The following KIAA0825 variants were observed in gnomAD, a reference collection of about 807,000 sequenced individuals.
KIAA0825 encodes the protein KIAA0825.
Under a neutral mutation model 147.6 loss-of-function variants are expected in KIAA0825, and 119 were observed. The ratio of observed to expected loss-of-function variants is 0.81; its 90% confidence interval spans 0.69 to 0.94. KIAA0825 has a LOEUF of 0.94. Among genes scored for constraint, KIAA0825 ranks in the 40% least tolerant of loss-of-function variants. The pLI, the probability that KIAA0825 is intolerant of heterozygous loss-of-function variation, is 0.00. For synonymous variants in KIAA0825, 470 were observed against 518.1 expected (o/e 0.91, Z 1.26); for missense variants, 1,381 against 1,472.7 (o/e 0.94, Z 1.02).
At chr5:94,491,116 C>T (rs756872842) in intron 5 of KIAA0825, among the ~76,000 whole-genome samples, 2 of 152,042 alleles carry the variant, frequency 1.3e-5, no homozygotes, top group African/African-American at 4.8e-5. Context: ...ATAAAAGGTG[C>T]GCATTTCAGT....
chr5:94,365,289 C>T (rs1171907578), intron 20 of KIAA0825, among the ~76,000 whole-genome samples: 1 of 152,228 alleles, frequency 6.6e-6, no homozygotes, highest in East Asian at 1.9e-4. Context: ...GTGTTTGCGT[C>T]CTCAATTCCC....
intron 3 of KIAA0825, among the ~76,000 whole-genome samples, chr5:94,533,232 C>T (rs1272165069): frequency 6.6e-6 from 1 of 151,428 alleles, no homozygotes; most frequent in Non-Finnish European, 1.5e-5. Context: ...CCCGCCTCGG[C>T]CTCCCAAAGT....
chr5:94,467,549 C>A (rs1760704898), intron 10 of KIAA0825, among the ~76,000 whole-genome samples: 1 of 152,118 alleles, frequency 6.6e-6, no homozygotes, highest in Non-Finnish European at 1.5e-5. Context: ...ATCTGAACAC[C>A]CACTGTGCCA....
At chr5:94,546,517 C>CAGAG (rs34483380) in intron 2 of KIAA0825, among the ~76,000 whole-genome samples, 169 of 149,166 alleles carry the variant, frequency 1.1e-3, no homozygotes, top group East Asian at 1.6e-3. Context: ...TGGCTCAGCA[C>CAGAG]AGAGAGAGAG....
intron 4 of KIAA0825, among the ~76,000 whole-genome samples, chr5:94,523,343 GTTC>G (rs1768584776): frequency 1.3e-5 from 2 of 151,572 alleles, no homozygotes; most frequent in Non-Finnish European, 3.0e-5. Flanking sequence ...TAAAATCACT[GTTC>G]TTATTGAAGT....
At chr5:94,417,529 C>T in intron 14 of KIAA0825, 164 bp from the exon 15 acceptor site, 1 of 558,302 alleles carries the variant, frequency 1.8e-6, no homozygotes, top group Non-Finnish European at 3.0e-6. Flanking sequence ...ATGGTCCATC[C>T]AACCCAATGT....
intron 20 of KIAA0825, among the ~76,000 whole-genome samples, chr5:94,331,656 A>G (rs766193480): frequency 6.6e-6 from 1 of 152,204 alleles, no homozygotes; most frequent in Non-Finnish European, 1.5e-5. Context: ...AAAATCCTCA[A>G]CAAAATATTA....
intron 3 of KIAA0825, among the ~76,000 whole-genome samples, chr5:94,528,812 G>T (rs1769909152): frequency 6.7e-6 from 1 of 149,186 alleles, no homozygotes; most frequent in African/African-American, 2.5e-5. Context: ...AATCTATAAA[G>T]GCTTGCCCAG....
At chr5:94,268,407 G>T (rs562136123) in intron 20 of KIAA0825, among the ~76,000 whole-genome samples, 2 of 152,210 alleles carry the variant, frequency 1.3e-5, no homozygotes, top group South Asian at 4.1e-4. Flanking sequence ...TGGGGCAACT[G>T]CAAGAGGAGG....
chr5:94,342,128 G>A (rs1434062991), intron 20 of KIAA0825, among the ~76,000 whole-genome samples: 10 of 151,800 alleles, frequency 6.6e-5, no homozygotes, highest in African/African-American at 2.4e-4. Context: ...CCTGGGAGGC[G>A]GAGCTTGCAG....
intron 20 of KIAA0825, among the ~76,000 whole-genome samples, chr5:94,304,427 T>C (rs1360454490): frequency 1.3e-5 from 2 of 152,006 alleles, no homozygotes; most frequent in African/African-American, 4.8e-5. Flanking sequence ...GGGTGACCCG[T>C]ATCAACTAGA....
chr5:94,299,207 G>T (rs902308664), intron 20 of KIAA0825, among the ~76,000 whole-genome samples: 1 of 151,624 alleles, frequency 6.6e-6, no homozygotes, highest in African/African-American at 2.4e-5. Flanking sequence ...CTATAGATTC[G>T]ATCTTTATTT....
intron 20 of KIAA0825, among the ~76,000 whole-genome samples, chr5:94,374,915 A>T (rs1443280466): frequency 6.6e-6 from 1 of 152,024 alleles, no homozygotes; most frequent in Non-Finnish European, 1.5e-5. Flanking sequence ...ATCTGAACCC[A>T]CACTCTCTGA....
rs116554976 is a variant in KIAA0825 at position 94,598,477 on chromosome 5, C to T, written c.-152-15894G>A. 8.9e-3 allele frequency among the ~76,000 whole-genome samples: 1,348 copies of T among 152,020 alleles called. 15 individuals carry two copies. The highest frequency in any genetic ancestry group is 0.031 in the African/African-American group (1,272 of 41,498). On this transcript the variant is annotated intron_variant, in intron 1 of 20. Transcript: ENST00000682413. ...TCTGGAATATTACCTGAAGGACTTG[C>T]TTGAAGCTGTTTTACAGGGAAGCTG...
intron 20 of KIAA0825, among the ~76,000 whole-genome samples, chr5:94,328,530 C>T (rs1055399323): frequency 6.6e-6 from 1 of 151,412 alleles, no homozygotes; most frequent in Admixed American, 6.6e-5. Context: ...GAGAACATAG[C>T]GTGATATAAA....
chr5:94,164,172 GA>G (rs2149927400), intron 20 of KIAA0825, among the ~76,000 whole-genome samples: 1 of 152,140 alleles, frequency 6.6e-6, no homozygotes, highest in Non-Finnish European at 1.5e-5. Context: ...AAATACCAAT[GA>G]CATTCCTTAT....
chr5:94,308,851 G>A (rs1562366188), intron 20 of KIAA0825, among the ~76,000 whole-genome samples: 1 of 143,918 alleles, frequency 6.9e-6, no homozygotes. Flanking sequence ...TCCTTCCAGA[G>A]GGAGAACTCT....
intron 14 of KIAA0825, among the ~76,000 whole-genome samples, chr5:94,435,102 A>G (rs1756168170): frequency 1.4e-5 from 2 of 147,490 alleles, no homozygotes; most frequent in Admixed American, 6.7e-5. Flanking sequence ...CAATTAGATG[A>G]AAAAAAACCA....
chr5:94,592,518 C>A (rs1041144821), intron 1 of KIAA0825, among the ~76,000 whole-genome samples: 2 of 152,102 alleles, frequency 1.3e-5, no homozygotes, highest in African/African-American at 4.8e-5. Context: ...GTGAGACAAC[C>A]AAGACAGTTG....
Sources: allele counts gnomAD v4.1 joint callset (sites outside exome capture counted in the v4.1 genomes callset), GRCh38; gene constraint gnomAD v4.1.1; transcripts MANE v1.5; gene names NCBI Gene and HGNC (gene_info 2026-07-23, HGNC 2026-07-21).